The following PARD3B variants were observed in gnomAD, a reference collection of about 807,000 sequenced individuals.
PARD3B encodes partitioning defective 3 homolog B.
A neutral mutation model predicts 130.2 loss-of-function variants in PARD3B; 103 were observed. That is an observed-to-expected ratio of 0.79 (90% CI 0.67 to 0.93). The LOEUF (loss-of-function observed/expected upper bound fraction) is 0.93. Ranked by LOEUF, PARD3B falls within the 40% of genes least tolerant of loss-of-function variation. The pLI, the probability that PARD3B is intolerant of heterozygous loss-of-function variation, is 0.00. For missense variants in PARD3B, 1,609 were observed against 1,499.2 expected, an observed-to-expected ratio of 1.07 and a Z score of -1.21; for synonymous variants, 583 against 553.2, an observed-to-expected ratio of 1.05 and a Z score of -0.76.
chr2:205,049,504 A>G (rs535025179), intron 4 of PARD3B, among the ~76,000 whole-genome samples: 2 of 152,194 alleles, frequency 1.3e-5, no homozygotes, highest in Admixed American at 6.6e-5. Flanking sequence ...ACAATTCAAG[A>G]TGTGATTTGT....
At chr2:205,417,878 G>T (rs1344623266) in intron 19 of PARD3B, among the ~76,000 whole-genome samples, 1 of 152,204 alleles carries the variant, frequency 6.6e-6, no homozygotes, top group Non-Finnish European at 1.5e-5. Context: ...GGCCTTTATT[G>T]TGTCCCACCC....
At chr2:205,104,196 A>G (rs766493132) in intron 4 of PARD3B, among the ~76,000 whole-genome samples, 40 of 152,218 alleles carry the variant, frequency 2.6e-4, no homozygotes, top group Non-Finnish European at 7.3e-5. Flanking sequence ...AGCTCTTAAC[A>G]TATTGCATTG....
rs2030879707 is a variant in PARD3B, at chr2:205,122,625, T to A, written c.1165+676T>A. On this transcript the variant is annotated intron_variant, in intron 8 of 22. Coordinates refer to ENST00000406610, the MANE Select transcript of PARD3B (RefSeq NM_001302769.2). This position sits in a 1 kb window ranked among gnomAD's most constrained non-coding sequence, Gnocchi z 4.3. Reference sequence around the variant, plus strand: ...TTTGTAACCTCTGCTTTATATTACCTTCCCCCATTGCAACCTTCTGAAATT... The same window carrying A: ...TTTGTAACCTCTGCTTTATATTACCATCCCCCATTGCAACCTTCTGAAATT... 6.6e-6 allele frequency among the ~76,000 whole-genome samples: 1 copy of A among 152,204 alleles called. No individual in the cohort carries two copies. Among genetic ancestry groups the A allele is most frequent in the South Asian group, 2.1e-4 (1 of 4,834 alleles).
intron 4 of PARD3B, among the ~76,000 whole-genome samples, chr2:205,082,600 T>A (rs983362352): frequency 6.6e-6 from 1 of 152,142 alleles, no homozygotes; most frequent in African/African-American, 2.4e-5. Flanking sequence ...TGCCTAGGTG[T>A]TTGTTAATTT....
chr2:204,924,964 C>T (rs977410168), intron 2 of PARD3B, among the ~76,000 whole-genome samples: 1 of 150,506 alleles, frequency 6.6e-6, no homozygotes, highest in Non-Finnish European at 1.5e-5. Context: ...CTGAGCTATA[C>T]ACACACGCAA....
chr2:205,456,001 C>A (rs1389159165), intron 20 of PARD3B, among the ~76,000 whole-genome samples: 1 of 152,084 alleles, frequency 6.6e-6, no homozygotes, highest in African/African-American at 2.4e-5. Context: ...GTCCATAATT[C>A]TGTCATTTCT....
chr2:204,882,564 A>T (rs2046095761), intron 2 of PARD3B, among the ~76,000 whole-genome samples: 2 of 152,174 alleles, frequency 1.3e-5, no homozygotes. Context: ...TGTATTGGTA[A>T]TCAGACTCCT....
chr2:204,766,816 AAAAC>A (rs1259591088), intron 2 of PARD3B, among the ~76,000 whole-genome samples: 1 of 151,578 alleles, frequency 6.6e-6, no homozygotes, highest in Non-Finnish European at 1.5e-5. Flanking sequence ...TCAAAAAAAA[AAAAC>A]AAAAGCAAAC....
chr2:205,426,782 G>A (rs2047161503), intron 19 of PARD3B, among the ~76,000 whole-genome samples: 1 of 152,152 alleles, frequency 6.6e-6, no homozygotes, highest in South Asian at 2.1e-4. Flanking sequence ...CTTTTGAGGA[G>A]TAGAAAATAT....
chr2:204,913,084 C>T (rs759146958), intron 2 of PARD3B, among the ~76,000 whole-genome samples: 33 of 152,114 alleles, frequency 2.2e-4, no homozygotes, highest in African/African-American at 5.8e-4. Flanking sequence ...CCTAAAGATG[C>T]GATATTGCAT....
At chr2:205,368,880 C>A (rs1378624741) in intron 18 of PARD3B, among the ~76,000 whole-genome samples, 2 of 151,614 alleles carry the variant, frequency 1.3e-5, no homozygotes, top group Non-Finnish European at 2.9e-5. Flanking sequence ...AAAAACACCC[C>A]ATAACGTTGA....
chr2:204,655,071 T>G (rs2035598702), intron 1 of PARD3B, among the ~76,000 whole-genome samples: 1 of 152,194 alleles, frequency 6.6e-6, no homozygotes, highest in South Asian at 2.1e-4. Context: ...GGGTGATATC[T>G]GAGAGTAGAA....
chr2:205,155,698 T>C (rs1419747727), intron 10 of PARD3B, among the ~76,000 whole-genome samples: 1 of 152,200 alleles, frequency 6.6e-6, no homozygotes, highest in East Asian at 1.9e-4. Context: ...CCACATCCTC[T>C]CCAGCACCTG....
Position 205,142,125 on chromosome 2 carries a change from T to C in PARD3B, c.1434+16388T>C, listed in dbSNP as rs1222329550. ...ATTAGTGCTATGCTTTTATTATGTA[T>C]AGAGTGTTTTGAAGACCTAGATGAG... On this transcript the variant is annotated intron_variant, in intron 10 of 22. Coordinates refer to ENST00000406610, the MANE Select transcript of PARD3B (RefSeq NM_001302769.2). This position sits in a 1 kb window ranked among gnomAD's most constrained non-coding sequence, Gnocchi z 4.3. Among the ~76,000 whole-genome samples the C allele has an allele frequency of 6.6e-6, 1 of 152,124 alleles. No individual in the cohort carries two copies. The highest frequency in any genetic ancestry group is 1.5e-5 in the Non-Finnish European group (1 of 68,026).
chr2:205,206,691 C>T (rs2125838037), intron 15 of PARD3B, among the ~76,000 whole-genome samples: 1 of 152,098 alleles, frequency 6.6e-6, no homozygotes, highest in African/African-American at 2.4e-5. Context: ...GTGCATGTGT[C>T]TTTATAGCAG....
chr2:204,650,878 A>T (rs1415671442), intron 1 of PARD3B, among the ~76,000 whole-genome samples: 1 of 132,760 alleles, frequency 7.5e-6, no homozygotes, highest in Non-Finnish European at 1.5e-5. Flanking sequence ...ATATCTTACC[A>T]TGGGGGAGTG....
At chr2:204,962,059 A>G (rs1690791177) in intron 2 of PARD3B, among the ~76,000 whole-genome samples, 1 of 152,160 alleles carries the variant, frequency 6.6e-6, no homozygotes, top group African/African-American at 2.4e-5. Context: ...AACTTCTAGC[A>G]TATTCATAGA....
At position 205,525,311 on chromosome 2, in the gene PARD3B, T is replaced by C. The variant is rs937799977; in HGVS notation, c.3180+25280T>C. ...TCTCTGGAAAATATAGTAACAAAGC[T>C]GGTTTTCTAGTCACATGTCACCATA... On this transcript the variant is annotated intron_variant, in intron 21 of 22. Transcript: ENST00000406610. This position sits in a 1 kb window ranked among gnomAD's most constrained non-coding sequence, Gnocchi z 4.2. Among the ~76,000 whole-genome samples the C allele has an allele frequency of 2.6e-5, 4 of 152,260 alleles. No homozygotes were observed. The East Asian group carries it at 7.7e-4, about 29-fold the overall frequency.
chr2:204,571,171 A>G (rs1226135483), intron 1 of PARD3B, among the ~76,000 whole-genome samples: 3 of 152,176 alleles, frequency 2.0e-5, no homozygotes, highest in Non-Finnish European at 4.4e-5. Context: ...AGAAGGTGAA[A>G]TAGATCCATG....
Sources: gnomAD v4.1 joint callset for allele counts (sites outside exome capture counted in the v4.1 genomes callset) on GRCh38, gnomAD v4.1.1 for gene constraint, Gnocchi (gnomAD v3.1) non-coding constraint, MANE v1.5 for transcripts, NCBI Gene and HGNC (gene_info 2026-07-23, HGNC 2026-07-21) for gene names.